ARMC8: variants seen among roughly 807,000 people sequenced by gnomAD.
ARMC8 encodes the protein armadillo repeat-containing protein 8.
A neutral mutation model predicts 99.3 loss-of-function variants in ARMC8; 20 were observed. That is an observed-to-expected ratio of 0.20 (90% CI 0.14 to 0.29). ARMC8 has a LOEUF of 0.29. Ranked by LOEUF, ARMC8 falls within the 10% of genes least tolerant of loss-of-function variation. The probability of loss-of-function intolerance (pLI) is 1.00; values close to 1 mark genes in which losing one functional copy is unlikely to be tolerated. For missense variants in ARMC8, 569 were observed against 809.5 expected, an observed-to-expected ratio of 0.70 and a Z score of 3.60; for synonymous variants, 263 against 278.3, an observed-to-expected ratio of 0.95 and a Z score of 0.55.
intron 20 of ARMC8, 51 bp from the exon 21 acceptor site, chr3:138,290,494 AG>A: frequency 7.6e-7 from 1 of 1,323,960 alleles, no homozygotes; most frequent in Non-Finnish European, 1.1e-6. Flanking sequence ...TGTACATCAA[AG>A]AGAGCATTTG....
intron 21 of ARMC8, 58 bp from the exon 22 acceptor site, chr3:138,295,801 G>GT (rs2051435912): frequency 2.5e-6 from 4 of 1,590,230 alleles, no homozygotes; most frequent in Non-Finnish European, 3.4e-6. Context: ...GAACCATAGG[G>GT]TTTTTTACCC....
At chr3:138,226,230 G>A (rs765261194) in intron 5 of ARMC8, among the ~76,000 whole-genome samples, 2 of 152,040 alleles carry the variant, frequency 1.3e-5, no homozygotes, top group Non-Finnish European at 2.9e-5. Flanking sequence ...TCCTGACCTC[G>A]TGATCCACCC....
intron 12 of ARMC8, chr3:138,245,884 C>A: frequency 1.0e-6 from 1 of 985,400 alleles, no homozygotes; most frequent in Non-Finnish European, 1.2e-6. Flanking sequence ...ACTTACCACT[C>A]AAAAACATGT....
chr3:138,202,429 ATTTAAC>A (rs1354399904), intron 1 of ARMC8, among the ~76,000 whole-genome samples: 2 of 152,210 alleles, frequency 1.3e-5, no homozygotes, highest in African/African-American at 4.8e-5. Context: ...TTTTTGAATA[ATTTAAC>A]TTTAACCATG....
At chr3:138,240,899 A>T (rs1039720369) in intron 10 of ARMC8, among the ~76,000 whole-genome samples, 1 of 152,136 alleles carries the variant, frequency 6.6e-6, no homozygotes, top group East Asian at 1.9e-4. Flanking sequence ...AAAAATAAAA[A>T]ATTAGCCAGG....
Position 138,263,727 on chromosome 3 carries a change from C to G in ARMC8, c.1135-12C>G. ...ATGTTGTTATTTATGCAGCATTAAC[C>G]TTTTTCTCCAGATCATTGAGACTGA... is the stretch of plus-strand genomic sequence containing the variant. On this transcript the variant is annotated splice_polypyrimidine_tract_variant and intron_variant, in intron 12 of 21. Transcript: ENST00000469044. 6.2e-7 allele frequency: 1 copy of G among 1,610,730 alleles called. No individual in the cohort carries two copies. Among genetic ancestry groups the G allele is most frequent in the Admixed American group, 1.7e-5 (1 of 60,026 alleles).
In ARMC8 at chr3:138,205,060, C is replaced by CTTT. The variant is rs71146118; in HGVS notation, c.46-4733_46-4731dup. ...AACTCAGTCTCTTTTCTTTTCTTTT[C>CTTT]TTTTTTTTTTTTTTTTTTTTTTTTT... On this transcript the variant is annotated intron_variant, in intron 1 of 21. Coordinates refer to ENST00000469044, the MANE Select transcript of ARMC8 (RefSeq NM_001363941.2). Among the ~76,000 whole-genome samples the CTTT allele has an allele frequency of 4.4e-3, 414 of 93,212 alleles. 35 individuals carry two copies. Among genetic ancestry groups the CTTT allele is most frequent in the African/African-American group, 0.016 (358 of 22,566 alleles). 61.2% of individuals were successfully genotyped at this position (93,212 alleles called of 152,430 possible). A position where few individuals can be genotyped will look rare whatever the true frequency, so the allele number is the denominator to read the frequency against.
chr3:138,267,444 A>G (rs556573453), intron 15 of ARMC8, among the ~76,000 whole-genome samples: 5 of 152,316 alleles, frequency 3.3e-5, no homozygotes, highest in South Asian at 2.1e-4. Context: ...TTGTTATTCT[A>G]TCTAACATAT....
chr3:138,279,207 T>G (rs977137012), intron 18 of ARMC8, among the ~76,000 whole-genome samples: 2 of 152,214 alleles, frequency 1.3e-5, no homozygotes, highest in Non-Finnish European at 2.9e-5. Context: ...TTGTTGAGTT[T>G]TTACCATAAA....
At chr3:138,224,226 G>A (rs950731546) in intron 5 of ARMC8, among the ~76,000 whole-genome samples, 5 of 151,798 alleles carry the variant, frequency 3.3e-5, no homozygotes, top group African/African-American at 1.2e-4. Flanking sequence ...CCAAAGTGCT[G>A]GGATTACAGG....
Position 138,270,024 on chromosome 3 carries a change from C to A in ARMC8, c.1387-16C>A. 1 of 1,558,320 alleles carries A rather than the reference C, an allele frequency of 6.4e-7. No individual in the cohort carries two copies. Among genetic ancestry groups the A allele is most frequent in the Non-Finnish European group, 8.8e-7 (1 of 1,139,076 alleles). On this transcript the variant is annotated splice_polypyrimidine_tract_variant and intron_variant, in intron 15 of 21. Coordinates refer to ENST00000469044, the MANE Select transcript of ARMC8 (RefSeq NM_001363941.2). The stretch of plus-strand genomic sequence containing the variant: ...ACTTTAAAGCTGTGATTTTTTTTTT[C>A]CCTGTCCAATGGCAGCCAATTTTGG...
At chr3:138,203,214 G>T (rs2044176201) in intron 1 of ARMC8, among the ~76,000 whole-genome samples, 2 of 152,166 alleles carry the variant, frequency 1.3e-5, no homozygotes, top group South Asian at 4.1e-4. Context: ...TATTAATGAT[G>T]CCCTCTTTCA....
At chr3:138,279,197 T>A (rs1209901273) in intron 18 of ARMC8, among the ~76,000 whole-genome samples, 1 of 152,204 alleles carries the variant, frequency 6.6e-6, no homozygotes, top group Non-Finnish European at 1.5e-5. Context: ...ATCTTCTAGT[T>A]TGTTGAGTTT....
chr3:138,242,672 T>G (rs549240393), intron 11 of ARMC8, among the ~76,000 whole-genome samples: 1 of 152,326 alleles, frequency 6.6e-6, no homozygotes, highest in East Asian at 1.9e-4. Flanking sequence ...ACATTGCCTC[T>G]TAATTAGTAG....
intron 12 of ARMC8, chr3:138,263,377 C>T: frequency 4.5e-6 from 1 of 220,086 alleles, no homozygotes; most frequent in East Asian, 1.1e-4. Context: ...TTCTTTAGAA[C>T]CTCACTCTGG....
At chr3:138,287,617 C>G (rs1309399007) in intron 19 of ARMC8, 1 of 456,510 alleles carries the variant, frequency 2.2e-6, no homozygotes, top group Admixed American at 2.3e-5. Flanking sequence ...AAGTTTTATT[C>G]TGTTTTGTCT....
At chr3:138,267,933 A>C (rs2048425894) in intron 15 of ARMC8, among the ~76,000 whole-genome samples, 1 of 152,144 alleles carries the variant, frequency 6.6e-6, no homozygotes, top group Non-Finnish European at 1.5e-5. Flanking sequence ...ATAATTAAGA[A>C]AGGTAGTATT....
intron 21 of ARMC8, among the ~76,000 whole-genome samples, chr3:138,293,594 C>T (rs1017809560): frequency 1.3e-5 from 2 of 151,972 alleles, no homozygotes; most frequent in Non-Finnish European, 2.9e-5. Flanking sequence ...GGCTGCTGGT[C>T]AGATGAGTGT....
chr3:138,213,278 T>A (rs1483518553), intron 2 of ARMC8, among the ~76,000 whole-genome samples: 1 of 152,224 alleles, frequency 6.6e-6, no homozygotes, highest in Admixed American at 6.5e-5. Context: ...CAGTGAACCA[T>A]TTTACCTAGT....
Sources: allele counts gnomAD v4.1 joint callset (sites outside exome capture counted in the v4.1 genomes callset), GRCh38; gene constraint gnomAD v4.1.1; transcripts MANE v1.5; gene names NCBI Gene and HGNC (gene_info 2026-07-23, HGNC 2026-07-21).